PPP1R12B: variants seen among roughly 807,000 people sequenced by gnomAD.
The protein encoded by PPP1R12B is protein phosphatase 1 regulatory subunit 12B, also known as myosin phosphatase target subunit 2.
Under a neutral mutation model 126.1 loss-of-function variants are expected in PPP1R12B, and 76 were observed. The observed-to-expected ratio is 0.60, with a 90% CI of 0.50 to 0.73. The LOEUF (loss-of-function observed/expected upper bound fraction) is 0.73. PPP1R12B is among the 30% of genes least tolerant of loss of function. The pLI is 0.00. For missense variants in PPP1R12B, 1,052 were observed against 1,205.1 expected (o/e 0.87, Z 1.88); for synonymous variants, 356 against 434.7 (o/e 0.82, Z 2.25).
At chr1:202,462,752 AC>A in intron 13 of PPP1R12B, 1 of 980,624 alleles carries the variant, frequency 1.0e-6, no homozygotes, top group East Asian at 1.1e-4. Context: ...AGTTGCTGGT[AC>A]AATCTCATAA....
Position 202,584,956 on chromosome 1 carries a change from C to CACTT in PPP1R12B, c.*4399_*4402dup, listed in dbSNP as rs1041129183. ...CAGCACTGACCGCACTTTAAGCACACACTTACCAATCAGAGGTCGTGTAAT... is the reference window on the plus strand; with the variant it reads ...CAGCACTGACCGCACTTTAAGCACACACTTACTTACCAATCAGAGGTCGTGTAAT... On this transcript the variant is annotated 3_prime_UTR_variant, in exon 24 of 24. Coordinates refer to ENST00000608999, the MANE Select transcript of PPP1R12B (RefSeq NM_002481.4). The CACTT allele has an allele frequency of 5.3e-5, 8 of 152,230 alleles. No homozygotes were observed. Among genetic ancestry groups the CACTT allele is most frequent in the African/African-American group, 1.9e-4 (8 of 41,452 alleles). 9.4% of individuals were successfully genotyped at this position (152,230 alleles called of 1,614,324 possible).
At chr1:202,360,892 CTT>C (rs11311546) in intron 1 of PPP1R12B, among the ~76,000 whole-genome samples, 249 of 109,446 alleles carry the variant, frequency 2.3e-3, no homozygotes, top group East Asian at 3.0e-3. Flanking sequence ...ACCATTAGCT[CTT>C]TTTTTTTTTT....
At chr1:202,426,872 G>T (rs1472436646) in intron 4 of PPP1R12B, among the ~76,000 whole-genome samples, 168 bp from the exon 5 acceptor site, 2 of 152,170 alleles carry the variant, frequency 1.3e-5, no homozygotes, top group Non-Finnish European at 2.9e-5. Flanking sequence ...TGATTGGTAC[G>T]CAAAGTAGTT....
At chr1:202,370,504 A>G (rs1660026502) in intron 1 of PPP1R12B, among the ~76,000 whole-genome samples, 2 of 151,966 alleles carry the variant, frequency 1.3e-5, no homozygotes, top group East Asian at 1.9e-4. Flanking sequence ...CTCTTGGGTA[A>G]ATACCTGAGA....
At chr1:202,492,763 C>T (rs1457648186) in intron 14 of PPP1R12B, among the ~76,000 whole-genome samples, 1 of 151,942 alleles carries the variant, frequency 6.6e-6, no homozygotes, top group African/African-American at 2.4e-5. Context: ...TGTTGGTAAC[C>T]ATTTGATCTT....
intron 13 of PPP1R12B, among the ~76,000 whole-genome samples, chr1:202,486,764 C>T (rs528187610): frequency 3.3e-5 from 5 of 152,306 alleles, no homozygotes; most frequent in African/African-American, 4.8e-5. Context: ...GCTGTGATCA[C>T]GCCACTGTAC....
chr1:202,428,880 A>T lies in PPP1R12B; in HGVS notation c.872A>T (p.Asp291Val). Reference protein sequence around the residue: ...KLGQTPFDVADEGLVEHLELL... With the variant: ...KLGQTPFDVAVEGLVEHLELL... ...GGCCAGACACCATTTGATGTGGCTG[A>T]TGAGGGTCTCGTGGAGCATTTGGAG... The change falls in exon 6 of 24, where the codon GAT becomes GTT. Residue 291 changes from aspartate (D) to valine (V), a missense_variant. Asp to Val is a radical substitution (Grantham distance 152, BLOSUM62 -3). Transcript: ENST00000608999. The T allele has an allele frequency of 6.2e-7, 1 of 1,607,362 alleles. No individual in the cohort carries two copies. Among genetic ancestry groups the T allele is most frequent in the African/African-American group, 1.3e-5 (1 of 74,680 alleles).
At position 202,428,890 on chromosome 1, in the gene PPP1R12B, C is replaced by T. The variant is rs200530971; in HGVS notation, c.882C>T (p.Leu294=). Residue 294 remains leucine, a synonymous_variant, in exon 6 of 24, where the codon CTC becomes CTT. Transcript: ENST00000608999. The part of the protein sequence containing the change: ...QTPFDVADEG[L]VEHLELLQKK... ...CATTTGATGTGGCTGATGAGGGTCT[C>T]GTGGAGCATTTGGAGTTGCTCCAGA... is the stretch of plus-strand genomic sequence containing the variant. 53 of 1,607,746 alleles carry T rather than the reference C, an allele frequency of 3.3e-5. No individual in the cohort carries two copies. The highest frequency in any genetic ancestry group is 1.6e-4 in the South Asian group (14 of 89,824).
At chr1:202,423,169 G>A (rs1669035467) in intron 3 of PPP1R12B, among the ~76,000 whole-genome samples, 5 of 152,144 alleles carry the variant, frequency 3.3e-5, no homozygotes, top group Admixed American at 3.3e-4. Flanking sequence ...ATGAGAATTA[G>A]TATGATAATT....
chr1:202,399,579 C>G (rs530151476), intron 1 of PPP1R12B, among the ~76,000 whole-genome samples: 1 of 151,856 alleles, frequency 6.6e-6, no homozygotes, highest in African/African-American at 2.4e-5. Flanking sequence ...TCACTGCAAG[C>G]TCCACCTCCT....
At chr1:202,524,014 A>G (rs1429077203) in intron 18 of PPP1R12B, among the ~76,000 whole-genome samples, 6 of 152,140 alleles carry the variant, frequency 3.9e-5, no homozygotes, top group Non-Finnish European at 8.8e-5. Context: ...TGCCCGGCCA[A>G]TCTGACTTAA....
In PPP1R12B at chr1:202,352,675, T is replaced by A. The variant is rs372848515; in HGVS notation, c.291+3533T>A. The stretch of plus-strand genomic sequence containing the variant: ...AGGCTGAGGCAGGTGGATCACGAGG[T>A]CAGGAGTTCGAGACCAGCCTGGTCA... On this transcript the variant is annotated intron_variant, in intron 1 of 23. Transcript: ENST00000608999. Among the ~76,000 whole-genome samples, 92 of 152,028 alleles carry A rather than the reference T, an allele frequency of 6.1e-4. No individual in the cohort carries two copies. The South Asian group carries it at 0.011, about 18-fold the overall frequency.
chr1:202,365,806 C>G (rs895551872), intron 1 of PPP1R12B, among the ~76,000 whole-genome samples: 6 of 151,602 alleles, frequency 4.0e-5, no homozygotes, highest in African/African-American at 9.7e-5. Flanking sequence ...GCCTGGGCAA[C>G]ATAGCAAAAC....
intron 23 of PPP1R12B, chr1:202,575,492 T>C (rs1364021710): frequency 5.8e-6 from 1 of 171,074 alleles, no homozygotes; most frequent in Non-Finnish European, 1.2e-5. Context: ...CATGCACATA[T>C]ACATATTTCA....
intron 8 of PPP1R12B, among the ~76,000 whole-genome samples, chr1:202,433,917 G>A (rs1670498181): frequency 6.6e-6 from 1 of 152,052 alleles, no homozygotes; most frequent in Non-Finnish European, 1.5e-5. Flanking sequence ...TCAATGCCTG[G>A]TACATAACAG....
intron 1 of PPP1R12B, among the ~76,000 whole-genome samples, chr1:202,395,464 A>C (rs533692900): frequency 6.6e-6 from 1 of 152,316 alleles, no homozygotes; most frequent in South Asian, 2.1e-4. Flanking sequence ...TCATTTTGCT[A>C]TCAAATCATC....
chr1:202,384,260 G>A (rs1201478601), intron 1 of PPP1R12B, among the ~76,000 whole-genome samples: 5 of 152,014 alleles, frequency 3.3e-5, no homozygotes, highest in South Asian at 2.1e-4. Flanking sequence ...CATTGTTCAC[G>A]GCAGCATTAT....
intron 18 of PPP1R12B, among the ~76,000 whole-genome samples, chr1:202,500,996 A>C (rs1035540128): frequency 6.6e-6 from 1 of 152,254 alleles, no homozygotes; most frequent in African/African-American, 2.4e-5. Context: ...ACCCATCTCC[A>C]CTGGTAAATC....
At chr1:202,545,245 A>G (rs1685530553) in intron 18 of PPP1R12B, among the ~76,000 whole-genome samples, 1 of 152,240 alleles carries the variant, frequency 6.6e-6, no homozygotes, top group Admixed American at 6.5e-5. Flanking sequence ...AATCAATAGC[A>G]GTAATTGTTC....
Sources: gnomAD v4.1 joint callset for allele counts (sites outside exome capture counted in the v4.1 genomes callset) on GRCh38, gnomAD v4.1.1 for gene constraint, MANE v1.5 for transcripts, NCBI Gene and HGNC (gene_info 2026-07-23, HGNC 2026-07-21) for gene names.